Variants in TRIP12 observed in about 807,000 individuals in gnomAD.
TRIP12 encodes the protein thyroid hormone receptor interactor 12.
TRIP12 carries 25 observed loss-of-function variants against 244.2 expected under a neutral mutation model. The ratio of observed to expected loss-of-function variants is 0.10; its 90% CI spans 0.07 to 0.14. The LOEUF (loss-of-function observed/expected upper bound fraction) is 0.14. TRIP12 is among the 10% of genes least tolerant of loss of function. The pLI is 1.00. For synonymous variants in TRIP12, 905 were observed against 873.1 expected, an observed-to-expected ratio of 1.04 and a Z score of -0.64; for missense variants, 1,677 against 2,486.4, an observed-to-expected ratio of 0.67 and a Z score of 6.92.
At chr2:229,910,941 T>G (rs1398938425) in intron 1 of TRIP12, among the ~76,000 whole-genome samples, 1 of 152,238 alleles carries the variant, frequency 6.6e-6, no homozygotes, top group Non-Finnish European at 1.5e-5. Flanking sequence ...ATCAGCCTAC[T>G]TGTTGCCATC....
At chr2:229,795,121 C>A in intron 26 of TRIP12, 58 bp downstream of exon 26, 1 of 1,565,768 alleles carries the variant, frequency 6.4e-7, no homozygotes, top group South Asian at 1.2e-5. Flanking sequence ...CATCTTACTT[C>A]AGTGAAATTA....
At chr2:229,818,885 T>A (rs1029667914) in intron 8 of TRIP12, among the ~76,000 whole-genome samples, 1 of 152,290 alleles carries the variant, frequency 6.6e-6, no homozygotes, top group African/African-American at 2.4e-5. Context: ...TGTTAAACAA[T>A]GATGCCCATA....
At chr2:229,785,971 T>A in intron 33 of TRIP12, 116 bp from the exon 34 acceptor site, 1 of 898,016 alleles carries the variant, frequency 1.1e-6, no homozygotes, top group Non-Finnish European at 1.6e-6. Context: ...TTAACACTTA[T>A]TTCCTTAAAC....
chr2:229,912,180 A>G (rs552033460), intron 1 of TRIP12, among the ~76,000 whole-genome samples: 1 of 152,290 alleles, frequency 6.6e-6, no homozygotes, highest in African/African-American at 2.4e-5. Context: ...CTTATTTAAC[A>G]TTTTAAACAA....
intron 1 of TRIP12, among the ~76,000 whole-genome samples, chr2:229,886,717 T>C (rs1278941160): frequency 2.6e-5 from 4 of 152,188 alleles, no homozygotes; most frequent in African/African-American, 9.7e-5. Context: ...TCCACCCTCC[T>C]TGGCCTCCCA....
rs1418936790 is a variant in TRIP12, at chr2:229,833,345, G to A, written c.1271-2506C>T. Reference sequence around the variant, plus strand: ...TCTCTTGCCCAAGCTGAAGTGCAATGGTGCAATTTACAGCTCACTGCAACT... The same window carrying A: ...TCTCTTGCCCAAGCTGAAGTGCAATAGTGCAATTTACAGCTCACTGCAACT... On this transcript the variant is annotated intron_variant, in intron 6 of 41. Coordinates refer to ENST00000675903, the MANE Select transcript of TRIP12 (RefSeq NM_001348323.3). Among the ~76,000 whole-genome samples, 3 of 152,222 alleles carry A rather than the reference G, an allele frequency of 2.0e-5. No individual in the cohort carries two copies. The East Asian group carries it at 5.8e-4, about 29-fold the overall frequency.
rs190398454 is a variant in TRIP12, at chr2:229,798,186, A to G, written c.3483-355T>C. ...CTTGTGTTTCCTGGAGAGCTGAAGT[A>G]AAGATTTACAGACCAGAAACATGCG... is the stretch of plus-strand genomic sequence containing the variant. On this transcript the variant is annotated intron_variant, in intron 23 of 41. Transcript: ENST00000675903. Among the ~76,000 whole-genome samples, 397 of 152,332 alleles carry G rather than the reference A, an allele frequency of 2.6e-3. 2 individuals carry two copies. The highest frequency in any genetic ancestry group is 4.3e-3 in the Non-Finnish European group (294 of 68,026).
chr2:229,864,037 AGAGAGAGAGAGTGT>A (rs1278282455), intron 2 of TRIP12, among the ~76,000 whole-genome samples: 1,201 of 85,724 alleles, frequency 0.014, 4 homozygotes, highest in East Asian at 0.032. Flanking sequence ...AGAGAGAGAG[AGAGAGAGAGAGTGT>A]GTGTGTGTGT....
At chr2:229,801,594 A>G (rs570394037) in intron 21 of TRIP12, among the ~76,000 whole-genome samples, 41 of 152,378 alleles carry the variant, frequency 2.7e-4, no homozygotes, top group African/African-American at 9.4e-4. Flanking sequence ...TTCTAATAGC[A>G]AGGAAATAAA....
At chr2:229,892,656 C>T (rs569751570) in intron 1 of TRIP12, among the ~76,000 whole-genome samples, 4 of 151,946 alleles carry the variant, frequency 2.6e-5, no homozygotes, top group African/African-American at 9.7e-5. Context: ...ACTGCTTGAG[C>T]GGAGTTTGAG....
chr2:229,888,452 A>T (rs565026926), intron 1 of TRIP12, among the ~76,000 whole-genome samples: 5 of 151,622 alleles, frequency 3.3e-5, no homozygotes, highest in African/African-American at 1.2e-4. Context: ...AGGAAAACAT[A>T]AAAAAAAAGA....
chr2:229,902,809 G>GA (rs1163445753), intron 1 of TRIP12, among the ~76,000 whole-genome samples: 13 of 152,128 alleles, frequency 8.5e-5, no homozygotes, highest in African/African-American at 2.9e-4. Context: ...ATGAAACAGA[G>GA]AAAAGAAAAT....
intron 8 of TRIP12, among the ~76,000 whole-genome samples, chr2:229,821,024 A>G (rs1182255391): frequency 6.6e-6 from 1 of 152,258 alleles, no homozygotes; most frequent in East Asian, 1.9e-4. Flanking sequence ...TCAAGAGTCA[A>G]CTGTATATAG....
At chr2:229,843,159 T>C (rs1039988342) in intron 4 of TRIP12, among the ~76,000 whole-genome samples, 47 of 147,734 alleles carry the variant, frequency 3.2e-4, no homozygotes, top group Admixed American at 1.6e-3. Context: ...ACTACATTTA[T>C]CATTTACCTT....
At chr2:229,789,047 C>T in intron 31 of TRIP12, 107 bp from the exon 32 acceptor site, 1 of 1,055,388 alleles carries the variant, frequency 9.5e-7, no homozygotes. Context: ...CCTGAATTCA[C>T]GTGTTGGTTT....
At position 229,804,247 on chromosome 2, in the gene TRIP12, T is replaced by A. The variant is rs575701742; in HGVS notation, c.2651-20A>T. The A allele has an allele frequency of 3.0e-5, 47 of 1,563,310 alleles. No individual in the cohort carries two copies. In the East Asian group the frequency reaches 6.7e-4, roughly 22 times the overall value. On this transcript the variant is annotated intron_variant, in intron 18 of 41. Coordinates refer to ENST00000675903, the MANE Select transcript of TRIP12 (RefSeq NM_001348323.3). Reference sequence around the variant, plus strand: ...ATCCACCTATTACATTAAAAAAAAATATATGTGCAATCCTGAAGTGACAGA... The same window carrying A: ...ATCCACCTATTACATTAAAAAAAAAAATATGTGCAATCCTGAAGTGACAGA...
At chr2:229,869,505 A>G (rs2154344922) in intron 2 of TRIP12, among the ~76,000 whole-genome samples, 1 of 152,300 alleles carries the variant, frequency 6.6e-6, no homozygotes, top group Admixed American at 6.5e-5. Context: ...TCATCTCTAG[A>G]AATGTTTCTC....
chr2:229,875,804 G>A (rs971168741), intron 2 of TRIP12, among the ~76,000 whole-genome samples: 14 of 152,158 alleles, frequency 9.2e-5, no homozygotes, highest in African/African-American at 1.7e-4. Flanking sequence ...AGGAAACGAA[G>A]GCTACAATGA....
chr2:229,829,343 G>C, intron 7 of TRIP12, 55 bp from the exon 8 acceptor site: 1 of 1,429,514 alleles, frequency 7.0e-7, no homozygotes, highest in Non-Finnish European at 9.7e-7. Flanking sequence ...TGCAACTGAT[G>C]TATCTAAAAA....
Sources: allele counts gnomAD v4.1 joint callset (sites outside exome capture counted in the v4.1 genomes callset), GRCh38; gene constraint gnomAD v4.1.1; transcripts MANE v1.5; gene names NCBI Gene and HGNC (gene_info 2026-07-23, HGNC 2026-07-21).